MED27: variants seen among roughly 807,000 people sequenced by gnomAD.
The protein encoded by MED27 is mediator of RNA polymerase II transcription subunit 27.
In MED27, 30 loss-of-function variants were observed where a neutral mutation model predicts 38.2. The ratio of observed to expected loss-of-function variants is 0.79; its 90% CI spans 0.59 to 1.07. The LOEUF (loss-of-function observed/expected upper bound fraction) is 1.07, where lower values mean the gene tolerates loss of function less well. Ranked by LOEUF, MED27 falls within the 50% of genes least tolerant of loss-of-function variation. The probability of loss-of-function intolerance (pLI) is 0.00; values close to 1 mark genes in which losing one functional copy is unlikely to be tolerated. For missense variants in MED27, 289 were observed against 397.5 expected, an observed-to-expected ratio of 0.73 and a Z score of 2.32; for synonymous variants, 122 against 153.5, an observed-to-expected ratio of 0.79 and a Z score of 1.52.
chr9:131,882,986 C>A (rs1839074529), intron 6 of MED27, among the ~76,000 whole-genome samples: 2 of 151,934 alleles, frequency 1.3e-5, no homozygotes, highest in African/African-American at 4.8e-5. Flanking sequence ...GGGCTCACTG[C>A]AACCTCTGTC....
intron 3 of MED27, among the ~76,000 whole-genome samples, chr9:131,963,568 C>T (rs1342958625): frequency 6.6e-6 from 1 of 152,132 alleles, no homozygotes; most frequent in African/African-American, 2.4e-5. Flanking sequence ...GGAGAATGTG[C>T]CCTTTCTCAT....
chr9:131,884,073 A>G lies in MED27; in HGVS notation c.708T>C (p.Tyr236=). The G allele has an allele frequency of 6.2e-7, 1 of 1,612,518 alleles. No homozygotes were observed. The highest frequency in any genetic ancestry group is 8.5e-7 in the Non-Finnish European group (1 of 1,179,312). The part of the protein sequence containing the change: ...GKLDIWSKSN[Y]QVFQKVTDHA... Reference sequence around the variant, plus strand: ...TAAAACTTACCTTCTGGAATACTTGATAGTTGGATTTGGACCATATATCAA... The same window carrying G: ...TAAAACTTACCTTCTGGAATACTTGGTAGTTGGATTTGGACCATATATCAA... Residue 236 remains tyrosine (Y), a synonymous_variant, in exon 6 of 8, where the codon TAT becomes TAC. Coordinates refer to ENST00000292035, the MANE Select transcript of MED27 (RefSeq NM_004269.4).
In MED27 at chr9:132,052,023, G is replaced by A. The variant is rs926357589; in HGVS notation, c.348+25419C>T. Among the ~76,000 whole-genome samples, 15 of 152,276 alleles carry A rather than the reference G, an allele frequency of 9.9e-5. 1 individual carries two copies. The East Asian group carries it at 2.3e-3, about 23-fold the overall frequency. Reference sequence around the variant, plus strand: ...AAAATAACATGGCTCCATTCAATCCGTGACTTGCCTCATCCAGCCCAAGCA... The same window carrying A: ...AAAATAACATGGCTCCATTCAATCCATGACTTGCCTCATCCAGCCCAAGCA... On this transcript the variant is annotated intron_variant, in intron 2 of 7. Transcript: ENST00000292035.
At chr9:131,931,137 C>T (rs1480263422) in intron 4 of MED27, among the ~76,000 whole-genome samples, 1 of 151,854 alleles carries the variant, frequency 6.6e-6, no homozygotes. Flanking sequence ...CCCAGCTACT[C>T]GGGAGGCTGA....
At chr9:132,038,180 G>C (rs1284508505) in intron 2 of MED27, among the ~76,000 whole-genome samples, 3 of 150,356 alleles carry the variant, frequency 2.0e-5, no homozygotes, top group African/African-American at 7.4e-5. Context: ...AATGTGCCAG[G>C]CATCCTTCTT....
chr9:131,962,641 C>T (rs934971879), intron 3 of MED27, among the ~76,000 whole-genome samples: 1 of 152,066 alleles, frequency 6.6e-6, no homozygotes, highest in African/African-American at 2.4e-5. Flanking sequence ...GAAATTATCC[C>T]ACTAGGTTTT....
chr9:131,876,638 G>A (rs757614211), intron 6 of MED27, among the ~76,000 whole-genome samples: 2 of 152,062 alleles, frequency 1.3e-5, no homozygotes, highest in Non-Finnish European at 2.9e-5. Context: ...GCCCCGCGCC[G>A]ATGCTTCTGC....
intron 3 of MED27, among the ~76,000 whole-genome samples, chr9:131,946,906 C>T (rs1830896780): frequency 6.6e-6 from 1 of 152,188 alleles, no homozygotes; most frequent in African/African-American, 2.4e-5. Context: ...AGTCAGTGTA[C>T]CCCATTTTAT....
At chr9:132,028,847 C>T (rs915614901) in intron 2 of MED27, among the ~76,000 whole-genome samples, 1 of 152,100 alleles carries the variant, frequency 6.6e-6, no homozygotes, top group African/African-American at 2.4e-5. Flanking sequence ...ACTGAGGAAC[C>T]CAGGAATTCA....
chr9:132,052,686 G>A (rs1311692561), intron 2 of MED27, among the ~76,000 whole-genome samples: 3 of 103,680 alleles, frequency 2.9e-5, no homozygotes, highest in African/African-American at 7.6e-5. Context: ...ACCTTTCTCC[G>A]TCCTCAATGT....
intron 4 of MED27, among the ~76,000 whole-genome samples, chr9:131,934,241 A>G (rs1222724782): frequency 6.6e-6 from 1 of 152,248 alleles, no homozygotes; most frequent in Non-Finnish European, 1.5e-5. Context: ...GTAACATCCC[A>G]TAAACATAGG....
intron 4 of MED27, among the ~76,000 whole-genome samples, chr9:131,937,845 A>G (rs1168451957): frequency 6.9e-6 from 1 of 144,444 alleles, no homozygotes. Flanking sequence ...TTTTTTTTTG[A>G]GACAGAGTCT....
chr9:131,914,959 G>A (rs1397077903), intron 4 of MED27, among the ~76,000 whole-genome samples: 2 of 152,220 alleles, frequency 1.3e-5, no homozygotes, highest in Admixed American at 1.3e-4. Context: ...GTGGGCAACA[G>A]GAAGAATCTC....
At chr9:132,029,685 G>A (rs908701757) in intron 2 of MED27, among the ~76,000 whole-genome samples, 2 of 152,142 alleles carry the variant, frequency 1.3e-5, no homozygotes, top group Non-Finnish European at 2.9e-5. Flanking sequence ...TAGGGAAGGA[G>A]GTGGGGAGGA....
chr9:131,892,803 T>C (rs1237113192), intron 5 of MED27, among the ~76,000 whole-genome samples: 1 of 152,238 alleles, frequency 6.6e-6, no homozygotes, highest in Non-Finnish European at 1.5e-5. Context: ...TTACTCACTT[T>C]ACATGCATGC....
intron 6 of MED27, among the ~76,000 whole-genome samples, chr9:131,882,554 A>T (rs1349767637): frequency 6.6e-6 from 1 of 152,230 alleles, no homozygotes; most frequent in Non-Finnish European, 1.5e-5. Flanking sequence ...CAAGCTTTCA[A>T]AATCACATCC....
At chr9:132,016,313 T>C (rs1197983169) in intron 2 of MED27, among the ~76,000 whole-genome samples, 1 of 152,202 alleles carries the variant, frequency 6.6e-6, no homozygotes, top group African/African-American at 2.4e-5. Flanking sequence ...TACTGCTTTT[T>C]AACAGGCTCT....
intron 3 of MED27, among the ~76,000 whole-genome samples, chr9:131,945,711 C>A (rs1830873818): frequency 6.6e-6 from 1 of 150,762 alleles, no homozygotes; most frequent in African/African-American, 2.4e-5. Flanking sequence ...CCTATAATTC[C>A]AACACTGGGA....
intron 4 of MED27, among the ~76,000 whole-genome samples, chr9:131,899,238 C>T (rs996545988): frequency 2.0e-5 from 3 of 152,210 alleles, no homozygotes; most frequent in Non-Finnish European, 4.4e-5. Context: ...AACTGGCTGA[C>T]CTGGTCCTTA....
Sources: allele counts gnomAD v4.1 joint callset (sites outside exome capture counted in the v4.1 genomes callset), GRCh38; gene constraint gnomAD v4.1.1; transcripts MANE v1.5; gene names NCBI Gene and HGNC (gene_info 2026-07-23, HGNC 2026-07-21).